INTS2: variants seen among roughly 807,000 people sequenced by gnomAD.
INTS2 encodes the protein KIAA1287.
In INTS2, 57 loss-of-function variants were observed where a neutral mutation model predicts 139.6. That is an observed-to-expected ratio of 0.41 (90% CI 0.33 to 0.51). The LOEUF (loss-of-function observed/expected upper bound fraction) is 0.51, where lower values mean the gene tolerates loss of function less well. Among genes scored for constraint, INTS2 ranks in the 20% least tolerant of loss-of-function variants. INTS2 has a pLI of 0.28. For missense variants in INTS2, 1,196 were observed against 1,436.7 expected, an observed-to-expected ratio of 0.83 and a Z score of 2.71; for synonymous variants, 473 against 493.4, an observed-to-expected ratio of 0.96 and a Z score of 0.55.
At chr17:61,919,549 A>C (rs2079618089) in intron 4 of INTS2, 36 bp from the exon 5 acceptor site, 1 of 1,078,946 alleles carries the variant, frequency 9.3e-7, no homozygotes, top group South Asian at 1.3e-5. Context: ...GTCTTTGTTA[A>C]CAGGTGCACT....
At chr17:61,917,769 A>G (rs2079598109) in intron 5 of INTS2, among the ~76,000 whole-genome samples, 1 of 152,158 alleles carries the variant, frequency 6.6e-6, no homozygotes, top group African/African-American at 2.4e-5. Context: ...TACCCCCCTG[A>G]ATCTAAAATA....
intron 19 of INTS2, chr17:61,874,173 C>G (rs984298305): frequency 1.3e-5 from 2 of 152,154 alleles, no homozygotes; most frequent in Admixed American, 6.6e-5. Context: ...CCACTGCACT[C>G]GAACCAGCCC....
At chr17:61,908,821 A>C (rs573945693) in intron 7 of INTS2, among the ~76,000 whole-genome samples, 2 of 152,156 alleles carry the variant, frequency 1.3e-5, no homozygotes, top group South Asian at 4.2e-4. Flanking sequence ...GCTTAAAATC[A>C]GTTTTCAAAT....
chr17:61,884,435 G>A (rs916661521), intron 16 of INTS2, among the ~76,000 whole-genome samples: 3 of 151,994 alleles, frequency 2.0e-5, no homozygotes. Flanking sequence ...GGGGGTTACA[G>A]TGAGCCAAGA....
rs749168057 is a variant in INTS2 at position 61,867,511 on chromosome 17, G to A, written c.*46C>T. ...AGTTGTTACTAATATGCAGATTCAT[G>A]TTGGGTATATGCAGCAAACAACTTT... On this transcript the variant is annotated 3_prime_UTR_variant, in exon 25 of 25. Coordinates refer to ENST00000251334, the MANE Select transcript of INTS2 (RefSeq NM_001351695.2). This position sits in a 1 kb window ranked among gnomAD's most constrained non-coding sequence, Gnocchi z 5.6. The A allele has an allele frequency of 2.5e-6, 3 of 1,210,100 alleles. No individual in the cohort carries two copies. Among genetic ancestry groups the A allele is most frequent in the Non-Finnish European group, 2.4e-6 (2 of 842,766 alleles). 75.0% of individuals were successfully genotyped at this position (1,210,100 alleles called of 1,614,324 possible).
In INTS2 at chr17:61,891,570, G is replaced by A; in HGVS notation, c.1818C>T (p.Ala606=). Residue 606 remains alanine, a synonymous_variant, in exon 14 of 25, where the codon GCC becomes GCT. Coordinates refer to ENST00000251334, the MANE Select transcript of INTS2 (RefSeq NM_001351695.2). The part of the protein sequence containing the change: ...LTPASKSNPE[A]TNQPVTEQEI... ...CCTGTTCTGTGACTGGCTGATTTGT[G>A]GCTTCTGGATTAGATTTCGACGCAG... The A allele has an allele frequency of 6.2e-7, 1 of 1,613,690 alleles. No individual in the cohort carries two copies. The highest frequency in any genetic ancestry group is 8.5e-7 in the Non-Finnish European group (1 of 1,179,762).
intron 9 of INTS2, among the ~76,000 whole-genome samples, chr17:61,901,231 T>A (rs1283522039): frequency 2.6e-5 from 4 of 152,034 alleles, no homozygotes; most frequent in South Asian, 4.2e-4. Context: ...ACTGTACCAC[T>A]GAGTTTGCCC....
intron 13 of INTS2, 92 bp from the exon 14 acceptor site, chr17:61,891,781 T>C (rs930347957): frequency 4.7e-5 from 42 of 899,250 alleles, no homozygotes; most frequent in Non-Finnish European, 6.6e-5. Context: ...ACATGAATTA[T>C]GAATCAGTAA....
At position 61,925,008 on chromosome 17, in the gene INTS2, G is replaced by A. The variant is rs761601456; in HGVS notation, c.385C>T (p.Arg129Cys). The A allele has an allele frequency of 6.2e-6, 10 of 1,613,402 alleles. No homozygotes were observed. Among genetic ancestry groups the A allele is most frequent in the South Asian group, 2.2e-5 (2 of 90,976 alleles). The change falls in exon 3 of 25, where the codon CGT becomes TGT. Residue 129 changes from arginine to cysteine, a missense_variant. Transcript: ENST00000251334. ...TLEFEHSDSP[R>C]RLRLVLSELL... is the part of the protein sequence containing the mutation. ...TCACTAAGCACAAGACGCAATCGAC[G>A]AGGTGAATCACTGTGTTCAAACTCT...
chr17:61,877,485 C>G (rs944202052), intron 18 of INTS2, among the ~76,000 whole-genome samples: 1 of 152,160 alleles, frequency 6.6e-6, no homozygotes, highest in Admixed American at 6.5e-5. Flanking sequence ...CTCCCACCCA[C>G]AAACAGTCTG....
chr17:61,889,902 T>G lies in INTS2; in HGVS notation c.1876-8A>C, dbSNP rs1303418623. On this transcript the variant is annotated splice_region_variant and splice_polypyrimidine_tract_variant and intron_variant, in intron 14 of 24. Coordinates refer to ENST00000251334, the MANE Select transcript of INTS2 (RefSeq NM_001351695.2). ...AAGGCGGATGTTGTCACCCTGGAGGTAATATTACAAATACTCTGAAATACT... is the reference window on the plus strand; with the variant it reads ...AAGGCGGATGTTGTCACCCTGGAGGGAATATTACAAATACTCTGAAATACT... 1 of 1,561,822 alleles carries G rather than the reference T, an allele frequency of 6.4e-7. No homozygotes were observed. Among genetic ancestry groups the G allele is most frequent in the Admixed American group, 1.7e-5 (1 of 58,882 alleles).
Position 61,911,624 on chromosome 17 carries a change from C to T in INTS2, c.850G>A (p.Glu284Lys), listed in dbSNP as rs1567912913. 1.2e-6 allele frequency: 2 copies of T among 1,613,812 alleles called. No homozygotes were observed. The highest frequency in any genetic ancestry group is 1.7e-6 in the Non-Finnish European group (2 of 1,179,860). Reference protein sequence around the residue: ...TLDHTKNEACEDGVSDLVCFV... With the variant: ...TLDHTKNEACKDGVSDLVCFV... ...CAAACCAAGTCACTCACTCCATCCT[C>T]ACAAGCTTCATTTTTAGTATGATCC... The change falls in exon 7 of 25, where the codon GAG becomes AAG. Residue 284 changes from glutamate to lysine, a missense_variant. Around this residue, in one of 3 missense-constraint regions of INTS2, gnomAD observed 1,129 missense variants for 1,341.9 expected, o/e 0.84. Coordinates refer to ENST00000251334, the MANE Select transcript of INTS2 (RefSeq NM_001351695.2).
intron 3 of INTS2, among the ~76,000 whole-genome samples, chr17:61,923,277 A>C (rs2079667835): frequency 6.6e-6 from 1 of 151,392 alleles, no homozygotes. Flanking sequence ...GGAGATCGAG[A>C]CCATCCTGGC....
chr17:61,906,828 T>TAAAAAAAA (rs2079468492), intron 8 of INTS2, among the ~76,000 whole-genome samples: 2 of 32,448 alleles, frequency 6.2e-5, no homozygotes, highest in African/African-American at 1.5e-4. Flanking sequence ...CTACTAAAAA[T>TAAAAAAAA]ACAAAAAAAA....
intron 18 of INTS2, 55 bp downstream of exon 18, chr17:61,877,832 T>C (rs978246374): frequency 8.5e-6 from 12 of 1,407,086 alleles, no homozygotes; most frequent in Middle Eastern, 1.8e-4. Context: ...TAGGTTATTG[T>C]ATATTATCCC....
At chr17:61,924,880 T>C (rs1239512377) in intron 3 of INTS2, 81 bp downstream of exon 3, 3 of 1,419,000 alleles carry the variant, frequency 2.1e-6, no homozygotes, top group Admixed American at 4.1e-5. Context: ...CTGCCTGACT[T>C]CTTGTCTCTT....
At position 61,868,551 on chromosome 17, in the gene INTS2, A is replaced by C. The variant is rs1474318390; in HGVS notation, c.3244+483T>G. ...ATATATTTTAAAGTAGTTTATTTTC[A>C]GACCATTTTATTCTACAAACCAGAA... On this transcript the variant is annotated intron_variant, in intron 23 of 24. Coordinates refer to ENST00000251334, the MANE Select transcript of INTS2 (RefSeq NM_001351695.2). This position sits in a 1 kb window ranked among gnomAD's most constrained non-coding sequence, Gnocchi z 4.7. Among the ~76,000 whole-genome samples the C allele has an allele frequency of 6.6e-6, 1 of 152,184 alleles. No homozygotes were observed. Among genetic ancestry groups the C allele is most frequent in the African/African-American group, 2.4e-5 (1 of 41,468 alleles).
rs1424182747 is a variant in INTS2 at position 61,910,796 on chromosome 17, A to C, written c.954+724T>G. On this transcript the variant is annotated intron_variant, in intron 7 of 24. Coordinates refer to ENST00000251334, the MANE Select transcript of INTS2 (RefSeq NM_001351695.2). ...ATAACTTATTTCAGTGATCTAATGCACCAGTTCTCATGAGTCTGGCCCAGA... is the reference window on the plus strand; with the variant it reads ...ATAACTTATTTCAGTGATCTAATGCCCCAGTTCTCATGAGTCTGGCCCAGA... 2.0e-5 allele frequency: 3 copies of C among 152,240 alleles called. No homozygotes were observed. The East Asian group carries it at 5.8e-4, about 29-fold the overall frequency. 9.4% of individuals were successfully genotyped at this position (152,240 alleles called of 1,614,324 possible).
chr17:61,869,088 T>C lies in INTS2; in HGVS notation c.3190A>G (p.Lys1064Glu). Reference protein sequence around the residue: ...SHLCIQYALPKSLSVARLAVN... With the variant: ...SHLCIQYALPESLSVARLAVN... ...GCTAAACGAGCCACACTAAGTGACTTTGGTAATGCATATTGTATACACAAG... is the reference window on the plus strand; with the variant it reads ...GCTAAACGAGCCACACTAAGTGACTCTGGTAATGCATATTGTATACACAAG... Residue 1064 changes from lysine to glutamate, a missense_variant, in exon 23 of 25, where the codon AAG becomes GAG. By Grantham distance (56) the Lys-to-Glu change is moderately conservative. Around this residue, in one of 3 missense-constraint regions of INTS2, gnomAD observed 1,129 missense variants for 1,341.9 expected, o/e 0.84. Transcript: ENST00000251334. The surrounding 1 kb of genome is among the most constrained non-coding windows in gnomAD (Gnocchi z 5.4). The C allele has an allele frequency of 6.2e-7, 1 of 1,613,120 alleles. No individual in the cohort carries two copies. Among genetic ancestry groups the C allele is most frequent in the Non-Finnish European group, 8.5e-7 (1 of 1,179,222 alleles).
Sources: allele counts gnomAD v4.1 joint callset (sites outside exome capture counted in the v4.1 genomes callset), GRCh38; gene constraint gnomAD v4.1.1; regional missense constraint gnomAD v4.1.1; non-coding constraint Gnocchi (gnomAD v3.1); transcripts MANE v1.5; gene names NCBI Gene and HGNC (gene_info 2026-07-23, HGNC 2026-07-21).